The following SMOC2 variants were observed in gnomAD, a reference collection of about 807,000 sequenced individuals.
SMOC2 encodes the protein SPARC-related modular calcium-binding protein 2.
A neutral mutation model predicts 61.4 loss-of-function variants in SMOC2; 39 were observed. That is an observed-to-expected ratio of 0.64 (90% CI 0.49 to 0.83). SMOC2 has a LOEUF of 0.83. Among genes scored for constraint, SMOC2 ranks in the 40% least tolerant of loss-of-function variants. The probability of loss-of-function intolerance (pLI) is 0.00; values close to 1 mark genes in which losing one functional copy is unlikely to be tolerated. For missense variants in SMOC2, 556 were observed against 592.9 expected (o/e 0.94, Z 0.65); for synonymous variants, 247 against 239.9 (o/e 1.03, Z -0.27).
At chr6:168,564,628 A>T (rs144840098) in intron 7 of SMOC2, among the ~76,000 whole-genome samples, 30 of 152,324 alleles carry the variant, frequency 2.0e-4, no homozygotes, top group African/African-American at 7.0e-4. Context: ...GGAAATGCAC[A>T]GTGTTTTTAA....
intron 7 of SMOC2, among the ~76,000 whole-genome samples, chr6:168,586,078 A>C (rs372201334): frequency 2.8e-4 from 42 of 152,298 alleles, no homozygotes; most frequent in East Asian, 1.7e-3. Flanking sequence ...CCAATATCTC[A>C]ATAATAGTCT....
At chr6:168,502,415 C>T (rs1436128789) in intron 1 of SMOC2, among the ~76,000 whole-genome samples, 1 of 152,226 alleles carries the variant, frequency 6.6e-6, no homozygotes, top group African/African-American at 2.4e-5. Context: ...CTTGCCAGCC[C>T]GATGGCCCTC....
At chr6:168,477,419 G>A (rs757254830) in intron 1 of SMOC2, among the ~76,000 whole-genome samples, 16 of 152,192 alleles carry the variant, frequency 1.1e-4, no homozygotes, top group South Asian at 2.1e-4. Flanking sequence ...GTCATTACAT[G>A]TGTGTTTAAA....
intron 7 of SMOC2, among the ~76,000 whole-genome samples, chr6:168,574,413 GCA>G (rs1405197201): frequency 5.3e-5 from 8 of 152,230 alleles, no homozygotes; most frequent in African/African-American, 1.7e-4. Flanking sequence ...GATCCTGTGG[GCA>G]GCACAGGGGA....
chr6:168,635,109 G>A (rs1786679053), intron 9 of SMOC2, among the ~76,000 whole-genome samples: 1 of 152,226 alleles, frequency 6.6e-6, no homozygotes. Flanking sequence ...CGCCTCGTGA[G>A]CACTTCACGA....
rs35778120 is a variant in SMOC2, at chr6:168,653,035, T to C, written c.1092T>C (p.Ser364=). 1.4e-3 allele frequency: 2,207 copies of C among 1,614,042 alleles called. 31 individuals carry two copies. The African/African-American group carries it at 0.026, about 19-fold the overall frequency. ...WYFKLLDKNS[S]GDIGKKEIKP... ...TCAAACTACTGGATAAAAACTCCAG[T>C]GGAGACATCGGCAAAAAGGAAATCA... The change falls in exon 11 of 13, where the codon AGT becomes AGC. Residue 364 remains serine (S), a synonymous_variant. Coordinates refer to ENST00000356284, the MANE Select transcript of SMOC2 (RefSeq NM_001166412.2).
At chr6:168,465,877 C>T (rs1022559007) in intron 1 of SMOC2, among the ~76,000 whole-genome samples, 3 of 115,988 alleles carry the variant, frequency 2.6e-5, no homozygotes, top group Admixed American at 1.0e-4. Flanking sequence ...AGAGCTGGAA[C>T]TGGGGGGCTC....
At chr6:168,498,436 G>A (rs928204032) in intron 1 of SMOC2, among the ~76,000 whole-genome samples, 2 of 152,222 alleles carry the variant, frequency 1.3e-5, no homozygotes, top group Non-Finnish European at 2.9e-5. Flanking sequence ...CTGTCCGGCG[G>A]GTAGTTTAGC....
intron 1 of SMOC2, among the ~76,000 whole-genome samples, chr6:168,474,465 T>A (rs1782034276): frequency 6.6e-6 from 1 of 152,146 alleles, no homozygotes; most frequent in South Asian, 2.1e-4. Flanking sequence ...CTCCTGCGTC[T>A]GAGCTCTCTC....
intron 11 of SMOC2, chr6:168,655,258 A>T (rs1787291532): frequency 2.6e-6 from 1 of 381,854 alleles, no homozygotes. Flanking sequence ...CCTGCACCTG[A>T]GCTCCAACTA....
intron 1 of SMOC2, among the ~76,000 whole-genome samples, chr6:168,490,691 T>C (rs892433036): frequency 3.3e-5 from 5 of 152,220 alleles, no homozygotes; most frequent in African/African-American, 4.8e-5. Context: ...AGCAGGTCAG[T>C]GCACCTGCCA....
At chr6:168,606,575 T>C (rs989736447) in intron 8 of SMOC2, among the ~76,000 whole-genome samples, 2 of 152,200 alleles carry the variant, frequency 1.3e-5, no homozygotes, top group African/African-American at 4.8e-5. Context: ...AATTTCATTT[T>C]ATTTTCTATG....
intron 8 of SMOC2, among the ~76,000 whole-genome samples, chr6:168,604,712 G>A (rs183123150): frequency 8.5e-5 from 13 of 152,260 alleles, no homozygotes; most frequent in East Asian, 5.8e-4. Context: ...AAATTGCATC[G>A]TCTTTGATAT....
At chr6:168,581,733 G>A (rs556255369) in intron 7 of SMOC2, among the ~76,000 whole-genome samples, 1 of 152,344 alleles carries the variant, frequency 6.6e-6, no homozygotes, top group African/African-American at 2.4e-5. Context: ...GATGGGTGAT[G>A]TGAATGATTC....
chr6:168,491,379 A>G (rs1356667509), intron 1 of SMOC2, among the ~76,000 whole-genome samples: 4 of 152,346 alleles, frequency 2.6e-5, no homozygotes, highest in African/African-American at 9.6e-5. Flanking sequence ...TCATGGGATG[A>G]GAGTCAAGAG....
At chr6:168,613,300 A>G (rs935032227) in intron 9 of SMOC2, among the ~76,000 whole-genome samples, 2 of 152,168 alleles carry the variant, frequency 1.3e-5, no homozygotes, top group Non-Finnish European at 1.5e-5. Context: ...AGGTGAAAAC[A>G]GCACTGTCTT....
rs564013970 is a variant in SMOC2 at position 168,553,786 on chromosome 6, C to T, written c.637+4583C>T. ...ACGGTTGCCATTTGCCACCATTTGC[C>T]ATAGTGACGTGACCTATGGGAAAGA... is the stretch of plus-strand genomic sequence containing the variant. On this transcript the variant is annotated intron_variant, in intron 7 of 12. Coordinates refer to ENST00000356284, the MANE Select transcript of SMOC2 (RefSeq NM_001166412.2). This position sits in a 1 kb window ranked among gnomAD's most constrained non-coding sequence, Gnocchi z 4.2. Among the ~76,000 whole-genome samples the T allele has an allele frequency of 2.6e-5, 4 of 152,184 alleles. No homozygotes were observed. The highest frequency in any genetic ancestry group is 5.9e-5 in the Non-Finnish European group (4 of 68,038).
intron 9 of SMOC2, among the ~76,000 whole-genome samples, chr6:168,610,359 G>T (rs1229905425): frequency 1.3e-5 from 2 of 152,214 alleles, no homozygotes; most frequent in African/African-American, 4.8e-5. Context: ...GGAGTGCACT[G>T]TTCATGACCA....
rs78299992 is a variant in SMOC2 at position 168,469,424 on chromosome 6, G to A, written c.84+27970G>A. Among the ~76,000 whole-genome samples the A allele has an allele frequency of 2.7e-3, 406 of 152,330 alleles. 10 individuals are homozygous for A. The East Asian group carries it at 0.049, about 18-fold the overall frequency. On this transcript the variant is annotated intron_variant, in intron 1 of 12. Coordinates refer to ENST00000356284, the MANE Select transcript of SMOC2 (RefSeq NM_001166412.2). Reference sequence around the variant, plus strand: ...GGGTAATTTAGTGTGTTTTGTAAACGGATAGGGGTTCACTAGTTTATATAA... The same window carrying A: ...GGGTAATTTAGTGTGTTTTGTAAACAGATAGGGGTTCACTAGTTTATATAA...
Sources: allele counts gnomAD v4.1 joint callset (sites outside exome capture counted in the v4.1 genomes callset), GRCh38; gene constraint gnomAD v4.1.1; non-coding constraint Gnocchi (gnomAD v3.1); transcripts MANE v1.5; gene names NCBI Gene and HGNC (gene_info 2026-07-23, HGNC 2026-07-21).